GPR89A: variants seen among roughly 807,000 people sequenced by gnomAD.
GPR89A encodes the protein golgi pH regulator A, also known as G protein-coupled receptor 89A.
In GPR89A, 16 loss-of-function variants were observed where a neutral mutation model predicts 52.0. The ratio of observed to expected loss-of-function variants is 0.31; its 90% CI spans 0.21 to 0.47. The LOEUF is 0.47. Ranked by LOEUF, GPR89A falls within the 20% of genes least tolerant of loss-of-function variation. The pLI is 1.00. For missense variants in GPR89A, 135 were observed against 449.4 expected (o/e 0.30, Z 6.33); for synonymous variants, 55 against 150.9 (o/e 0.36, Z 4.66).
intron 1 of GPR89A, among the ~76,000 whole-genome samples, chr1:145,615,542 G>A (rs1571464325): frequency 6.7e-6 from 1 of 149,892 alleles, no homozygotes; most frequent in East Asian, 2.0e-4. Flanking sequence ...TGTAGAGACG[G>A]GTTTTCACCA....
intron 5 of GPR89A, among the ~76,000 whole-genome samples, chr1:145,628,620 CAT>C (rs1435149463): frequency 6.6e-6 from 1 of 151,916 alleles, no homozygotes; most frequent in Non-Finnish European, 1.5e-5. Context: ...ATATCTACCT[CAT>C]AGGATTGTTA....
At chr1:145,631,055 TC>T (rs1236355025) in intron 6 of GPR89A, among the ~76,000 whole-genome samples, 1 of 46,618 alleles carries the variant, frequency 2.1e-5, no homozygotes, top group East Asian at 4.6e-4. Context: ...AATCTGACAC[TC>T]CCCTCCCACT....
chr1:145,637,694 C>G (rs1433866265), intron 7 of GPR89A, among the ~76,000 whole-genome samples: 3 of 151,456 alleles, frequency 2.0e-5, no homozygotes, highest in African/African-American at 7.3e-5. Context: ...GTAACCATTA[C>G]AAATATATTC....
In GPR89A at chr1:145,659,144, G is replaced by C. The variant is rs1559048376; in HGVS notation, c.910-4185G>C. Reference sequence around the variant, plus strand: ...TATGTGTATATCTAGGGGTAGAATTGCCGTGTCATATGCTAAGTATATGTT... The same window carrying C: ...TATGTGTATATCTAGGGGTAGAATTCCCGTGTCATATGCTAAGTATATGTT... On this transcript the variant is annotated intron_variant, in intron 10 of 13. Transcript: ENST00000313835. 2.0e-5 allele frequency among the ~76,000 whole-genome samples: 3 copies of C among 151,864 alleles called. No individual in the cohort carries two copies. The South Asian group carries it at 6.2e-4, about 32-fold the overall frequency.
intron 10 of GPR89A, among the ~76,000 whole-genome samples, chr1:145,659,716 A>T (rs1473446147): frequency 7.6e-6 from 1 of 131,726 alleles, no homozygotes; most frequent in Non-Finnish European, 1.6e-5. Flanking sequence ...TGATGCCTCC[A>T]GCTTTGCTCT....
At chr1:145,615,874 C>T (rs1409242656) in intron 1 of GPR89A, among the ~76,000 whole-genome samples, 6 of 152,144 alleles carry the variant, frequency 3.9e-5, no homozygotes, top group Non-Finnish European at 5.9e-5. Flanking sequence ...CCCACCTTGT[C>T]CTCCCAAAGT....
chr1:145,634,649 T>C (rs1300771323), intron 7 of GPR89A, among the ~76,000 whole-genome samples: 1 of 150,560 alleles, frequency 6.6e-6, no homozygotes, highest in Non-Finnish European at 1.5e-5. Context: ...TGGTGTGACC[T>C]TGAACTAGTT....
At chr1:145,612,077 A>G (rs1425247377) in intron 1 of GPR89A, 3 of 152,050 alleles carry the variant, frequency 2.0e-5, no homozygotes, top group Non-Finnish European at 4.4e-5. Flanking sequence ...TTTAACCCTC[A>G]GCTCACTGAA....
intron 3 of GPR89A, among the ~76,000 whole-genome samples, chr1:145,621,362 A>C (rs1649128207): frequency 6.6e-6 from 1 of 151,188 alleles, no homozygotes; most frequent in African/African-American, 2.4e-5. Flanking sequence ...CTAACTGATC[A>C]AATTTTTTAT....
At position 145,636,312 on chromosome 1, in the gene GPR89A, A is replaced by G. The variant is rs587735977; in HGVS notation, c.617+4568A>G. On this transcript the variant is annotated intron_variant, in intron 7 of 13. Transcript: ENST00000313835. The stretch of plus-strand genomic sequence containing the variant: ...TATAGAAAAACTGTTTTTGTTGTTT[A>G]CAAGTGGTTTTACAAAATAAAATTT... Among the ~76,000 whole-genome samples, 604 of 93,730 alleles carry G rather than the reference A, an allele frequency of 6.4e-3. 3 individuals carry two copies. Among genetic ancestry groups the G allele is most frequent in the African/African-American group, 0.024 (567 of 23,230 alleles). 61.5% of individuals were successfully genotyped at this position (93,730 alleles called of 152,430 possible).
chr1:145,645,545 A>T (rs1172979374), intron 8 of GPR89A: 15 of 453,740 alleles, frequency 3.3e-5, no homozygotes, highest in Non-Finnish European at 6.6e-5. Context: ...GGAAAATAAC[A>T]TAGTGTAATG....
Position 145,608,029 on chromosome 1 carries a change from G to A in GPR89A, c.-105G>A, listed in dbSNP as rs1571449417. On this transcript the variant is annotated 5_prime_UTR_variant, in exon 1 of 14. Transcript: ENST00000313835. ...GGGCTGGAGAGCCGCAGTCCCGGCT[G>A]CAGCACCTGGGAGAAGGCAGACCGT... 5 of 1,385,610 alleles carry A rather than the reference G, an allele frequency of 3.6e-6. No homozygotes were observed. In the East Asian group the frequency reaches 9.5e-5, roughly 26 times the overall value. The allele number at this position is 1,385,610 out of a possible 1,614,324, so 85.8% of individuals were successfully genotyped here.
intron 7 of GPR89A, among the ~76,000 whole-genome samples, 192 bp from the exon 8 acceptor site, chr1:145,643,677 T>A (rs1553692089): frequency 2.0e-5 from 3 of 149,628 alleles, no homozygotes; most frequent in Non-Finnish European, 3.0e-5. Flanking sequence ...CTGTGCTTCT[T>A]CACCCAGGCC....
At chr1:145,617,478 C>T (rs1445088654) in intron 2 of GPR89A, among the ~76,000 whole-genome samples, 10 of 151,446 alleles carry the variant, frequency 6.6e-5, no homozygotes, top group Non-Finnish European at 1.5e-4. Context: ...ACAAAGATGA[C>T]GGGATTAAGA....
chr1:145,666,904 T>C (rs1571551968), intron 12 of GPR89A, among the ~76,000 whole-genome samples: 2 of 152,092 alleles, frequency 1.3e-5, no homozygotes, highest in Admixed American at 1.3e-4. Flanking sequence ...TGTGGCTGGA[T>C]AGTATTCCAT....
chr1:145,608,377 C>T (rs1260546576), intron 1 of GPR89A: 4 of 986,310 alleles, frequency 4.1e-6, no homozygotes, highest in East Asian at 5.2e-5. Flanking sequence ...GGCCTGCGGC[C>T]GTCCGCGTCC....
intron 1 of GPR89A, 69 bp downstream of exon 1, chr1:145,608,244 G>A (rs1647947582): frequency 1.3e-6 from 2 of 1,595,200 alleles, no homozygotes; most frequent in Non-Finnish European, 1.7e-6. Context: ...CCGGTCCTCC[G>A]CGGTGCGGGC....
At chr1:145,633,996 T>A (rs116383247) in intron 7 of GPR89A, among the ~76,000 whole-genome samples, 6,039 of 151,266 alleles carry the variant, frequency 0.04, 325 homozygotes, top group African/African-American at 0.13. Flanking sequence ...GAAATTGAAG[T>A]CTACACAAAT....
chr1:145,645,865 A>G (rs587638519), intron 8 of GPR89A: 4 of 446,888 alleles, frequency 9.0e-6, no homozygotes, highest in African/African-American at 2.0e-5. Flanking sequence ...TTCTGTAACT[A>G]TTTACAATCT....
Sources: allele counts gnomAD v4.1 joint callset (sites outside exome capture counted in the v4.1 genomes callset), GRCh38; gene constraint gnomAD v4.1.1; transcripts MANE v1.5; gene names NCBI Gene and HGNC (gene_info 2026-07-23, HGNC 2026-07-21).